The following SLC24A3 variants were observed in gnomAD, a reference collection of about 807,000 sequenced individuals.
SLC24A3 encodes the protein solute carrier family 24 member 3.
SLC24A3 carries 28 observed loss-of-function variants against 75.8 expected under a neutral mutation model. That is an observed-to-expected ratio of 0.37 (90% CI 0.27 to 0.51). The LOEUF is 0.51. Ranked by LOEUF, SLC24A3 falls within the 20% of genes least tolerant of loss-of-function variation. SLC24A3 has a pLI of 0.94. For missense variants in SLC24A3, 663 were observed against 847.8 expected, an observed-to-expected ratio of 0.78 and a Z score of 2.71; for synonymous variants, 372 against 334.1, an observed-to-expected ratio of 1.11 and a Z score of -1.24.
intron 2 of SLC24A3, among the ~76,000 whole-genome samples, chr20:19,456,159 G>GC (rs948743307): frequency 2.4e-4 from 36 of 152,200 alleles, no homozygotes; most frequent in African/African-American, 8.7e-4. Context: ...AGAGATTTGG[G>GC]CCCCACAGTT....
intron 1 of SLC24A3, among the ~76,000 whole-genome samples, chr20:19,276,311 GT>G (rs1266046826): frequency 6.6e-6 from 1 of 152,158 alleles, no homozygotes; most frequent in Non-Finnish European, 1.5e-5. Flanking sequence ...TTATTTCTTC[GT>G]TTGTGAACCT....
chr20:19,217,536 G>A (rs1291015717), intron 1 of SLC24A3, among the ~76,000 whole-genome samples: 1 of 152,148 alleles, frequency 6.6e-6, no homozygotes, highest in East Asian at 1.9e-4. Flanking sequence ...GTGGGGTCTA[G>A]AAGTGGTATT....
chr20:19,369,870 G>C (rs1485504384), intron 2 of SLC24A3, among the ~76,000 whole-genome samples: 1 of 152,074 alleles, frequency 6.6e-6, no homozygotes, highest in East Asian at 1.9e-4. Context: ...GTTTCACTAT[G>C]TTACAAAAAC....
At chr20:19,532,904 T>C (rs2030328093) in intron 3 of SLC24A3, among the ~76,000 whole-genome samples, 1 of 152,186 alleles carries the variant, frequency 6.6e-6, no homozygotes, top group African/African-American at 2.4e-5. Context: ...AGATATTTAA[T>C]AACTGGAGGC....
intron 3 of SLC24A3, among the ~76,000 whole-genome samples, chr20:19,548,348 A>G (rs1482891613): frequency 6.6e-6 from 1 of 152,232 alleles, no homozygotes; most frequent in Admixed American, 6.5e-5. Context: ...TCTGTCATTA[A>G]TTAGAAATTT....
intron 1 of SLC24A3, among the ~76,000 whole-genome samples, chr20:19,215,451 A>G (rs1033963291): frequency 6.6e-6 from 1 of 152,172 alleles, no homozygotes; most frequent in Non-Finnish European, 1.5e-5. Flanking sequence ...ATAATCTCAT[A>G]GGGGGTACCT....
At chr20:19,240,392 G>T (rs933646817) in intron 1 of SLC24A3, among the ~76,000 whole-genome samples, 1 of 152,190 alleles carries the variant, frequency 6.6e-6, no homozygotes, top group South Asian at 2.1e-4. Context: ...TTGTGAGTTT[G>T]CATTGTAAAA....
chr20:19,217,185 G>A (rs774796590), intron 1 of SLC24A3, among the ~76,000 whole-genome samples: 33 of 152,184 alleles, frequency 2.2e-4, no homozygotes, highest in Non-Finnish European at 4.1e-4. Flanking sequence ...TGTCATTTTC[G>A]CTATTTTCTG....
intron 7 of SLC24A3, among the ~76,000 whole-genome samples, chr20:19,661,670 G>A (rs533808617): frequency 6.6e-6 from 1 of 152,322 alleles, no homozygotes; most frequent in South Asian, 2.1e-4. Flanking sequence ...TACATGCTAT[G>A]AAGTCTTAGC....
At chr20:19,309,613 T>C (rs2122258421) in intron 2 of SLC24A3, among the ~76,000 whole-genome samples, 1 of 152,278 alleles carries the variant, frequency 6.6e-6, no homozygotes. Flanking sequence ...TTTCTCCTCT[T>C]TGGGAGGGAT....
At chr20:19,534,304 C>T (rs880526) in intron 3 of SLC24A3, among the ~76,000 whole-genome samples, 133,925 of 152,324 alleles carry the variant, frequency 0.88, 59,037 homozygotes, top group Middle Eastern at 0.92. Flanking sequence ...ACAGGTACAA[C>T]TGCAAAAAGC....
intron 1 of SLC24A3, among the ~76,000 whole-genome samples, chr20:19,274,287 A>G (rs907112779): frequency 6.6e-6 from 1 of 151,920 alleles, no homozygotes; most frequent in Non-Finnish European, 1.5e-5. Context: ...CTGTGGAAAC[A>G]GCTCATGGAA....
intron 2 of SLC24A3, among the ~76,000 whole-genome samples, chr20:19,494,789 G>A (rs1166521514): frequency 1.3e-5 from 2 of 152,100 alleles, no homozygotes; most frequent in Non-Finnish European, 2.9e-5. Flanking sequence ...AAAGGCTAGA[G>A]GACTCACCTC....
chr20:19,314,116 T>C (rs1461566596), intron 2 of SLC24A3, among the ~76,000 whole-genome samples: 1 of 152,092 alleles, frequency 6.6e-6, no homozygotes, highest in Non-Finnish European at 1.5e-5. Flanking sequence ...AGCCTTCACC[T>C]TTGAAAATTT....
At chr20:19,581,264 C>T (rs1479780060) in intron 4 of SLC24A3, among the ~76,000 whole-genome samples, 1 of 152,138 alleles carries the variant, frequency 6.6e-6, no homozygotes, top group Non-Finnish European at 1.5e-5. Flanking sequence ...GTGTTCCTCA[C>T]CTGTAACTGG....
At chr20:19,678,699 TC>T (rs2032567075) in intron 9 of SLC24A3, among the ~76,000 whole-genome samples, 1 of 120,164 alleles carries the variant, frequency 8.3e-6, no homozygotes. Flanking sequence ...GCTCCTCACT[TC>T]CCAGACGGGG....
intron 3 of SLC24A3, among the ~76,000 whole-genome samples, chr20:19,545,970 T>C (rs1159985897): frequency 1.3e-5 from 2 of 151,540 alleles, no homozygotes; most frequent in East Asian, 3.9e-4. Flanking sequence ...CCATCTTGAC[T>C]AACACGTTGA....
At chr20:19,382,960 T>C (rs1986207456) in intron 2 of SLC24A3, among the ~76,000 whole-genome samples, 1 of 152,168 alleles carries the variant, frequency 6.6e-6, no homozygotes, top group South Asian at 2.1e-4. Context: ...CAAAACGTAT[T>C]TTCCATCCAT....
intron 2 of SLC24A3, among the ~76,000 whole-genome samples, chr20:19,460,267 A>G (rs1315290486): frequency 6.6e-6 from 1 of 150,972 alleles, no homozygotes; most frequent in East Asian, 1.9e-4. Context: ...ATATGGGTCC[A>G]GGGATTTGAA....
Sources: gnomAD v4.1 joint callset for allele counts (sites outside exome capture counted in the v4.1 genomes callset) on GRCh38, gnomAD v4.1.1 for gene constraint, MANE v1.5 for transcripts, NCBI Gene and HGNC (gene_info 2026-07-23, HGNC 2026-07-21) for gene names.